ARSB: variants seen among roughly 807,000 people sequenced by gnomAD.
ARSB encodes the protein arylsulfatase B, also known as N-acetylgalactosamine-4-sulfatase.
Under a neutral mutation model 50.9 loss-of-function variants are expected in ARSB, and 41 were observed. That is an observed-to-expected ratio of 0.81 (90% CI 0.63 to 1.04). The LOEUF is 1.04. ARSB is among the 50% of genes least tolerant of loss of function. The pLI is 0.00. For missense variants in ARSB, 672 were observed against 693.3 expected (o/e 0.97, Z 0.35); for synonymous variants, 269 against 284.8 (o/e 0.94, Z 0.56).
At chr5:78,956,862 G>C (rs1283560972) in intron 3 of ARSB, among the ~76,000 whole-genome samples, 1 of 152,146 alleles carries the variant, frequency 6.6e-6, no homozygotes, top group Non-Finnish European at 1.5e-5. Flanking sequence ...TGTACCAATA[G>C]AGGCTTTAGC....
intron 4 of ARSB, among the ~76,000 whole-genome samples, chr5:78,921,226 C>T (rs1314013153): frequency 1.3e-5 from 2 of 152,182 alleles, no homozygotes; most frequent in African/African-American, 4.8e-5. Flanking sequence ...AAGTCTCACT[C>T]TCCAATGACC....
At chr5:78,901,751 G>T (rs1748817894) in intron 4 of ARSB, among the ~76,000 whole-genome samples, 1 of 152,150 alleles carries the variant, frequency 6.6e-6, no homozygotes, top group Non-Finnish European at 1.5e-5. Flanking sequence ...CACAAAAATA[G>T]ATGGTCAATA....
intron 4 of ARSB, 88 bp downstream of exon 4, chr5:78,955,207 C>T (rs1751665738): frequency 7.4e-7 from 1 of 1,352,908 alleles, no homozygotes; most frequent in Non-Finnish European, 1.0e-6. Context: ...TAAGGCAATG[C>T]TAACCGCTCC....
intron 5 of ARSB, among the ~76,000 whole-genome samples, chr5:78,871,234 T>C (rs1295631659): frequency 6.6e-6 from 1 of 151,898 alleles, no homozygotes; most frequent in Non-Finnish European, 1.5e-5. Context: ...AAAATGGCCA[T>C]ACTGCCCAAG....
intron 4 of ARSB, among the ~76,000 whole-genome samples, chr5:78,935,524 G>A (rs1750537198): frequency 6.6e-6 from 1 of 152,188 alleles, no homozygotes; most frequent in African/African-American, 2.4e-5. Flanking sequence ...GAGTGAACAA[G>A]TGAATGAATG....
chr5:78,897,741 C>T (rs1164578350), intron 4 of ARSB, among the ~76,000 whole-genome samples: 1 of 151,676 alleles, frequency 6.6e-6, no homozygotes, highest in Non-Finnish European at 1.5e-5. Context: ...AATATGTGGA[C>T]TCTCATAATA....
At position 78,780,187 on chromosome 5, in the gene ARSB, T is replaced by A; in HGVS notation, c.*210A>T. The A allele has an allele frequency of 6.3e-6, 4 of 639,640 alleles. No individual in the cohort carries two copies. The highest frequency in any genetic ancestry group is 1.9e-5 in the South Asian group (1 of 53,158). 39.6% of individuals were successfully genotyped at this position (639,640 alleles called of 1,614,324 possible). A position where few individuals can be genotyped will look rare whatever the true frequency, so the allele number is the denominator to read the frequency against. On this transcript the variant is annotated 3_prime_UTR_variant, in exon 8 of 8. Transcript: ENST00000264914. ...GGATAAACCCAGCCACCCCCACCTC[T>A]AGACACATGCTCCAGCCAACAGCAG...
intron 6 of ARSB, among the ~76,000 whole-genome samples, chr5:78,786,110 C>T (rs1453191548): frequency 6.6e-6 from 1 of 152,038 alleles, no homozygotes; most frequent in Non-Finnish European, 1.5e-5. Context: ...ACATTTTTAT[C>T]ACCCCAGAAA....
intron 5 of ARSB, among the ~76,000 whole-genome samples, chr5:78,842,888 T>A (rs1396477214): frequency 6.6e-6 from 1 of 152,078 alleles, no homozygotes; most frequent in East Asian, 1.9e-4. Context: ...TTATGCATGT[T>A]CATCTATCCT....
intron 5 of ARSB, among the ~76,000 whole-genome samples, chr5:78,867,031 C>T: frequency 6.6e-6 from 1 of 152,212 alleles, no homozygotes; most frequent in Non-Finnish European, 1.5e-5. Context: ...AGGGAGTTCC[C>T]TTTCCGAGTC....
At chr5:78,973,019 G>A (rs917052975) in intron 1 of ARSB, among the ~76,000 whole-genome samples, 1 of 152,190 alleles carries the variant, frequency 6.6e-6, no homozygotes, top group African/African-American at 2.4e-5. Context: ...CTGAAGGAAG[G>A]AAGCTGTAAT....
intron 5 of ARSB, among the ~76,000 whole-genome samples, chr5:78,879,338 T>C (rs992483703): frequency 6.6e-6 from 1 of 152,206 alleles, no homozygotes; most frequent in Non-Finnish European, 1.5e-5. Context: ...AGAGAAGTCA[T>C]GTCCCCTAGA....
At chr5:78,904,091 T>C (rs1748923940) in intron 4 of ARSB, among the ~76,000 whole-genome samples, 1 of 152,028 alleles carries the variant, frequency 6.6e-6, no homozygotes, top group African/African-American at 2.4e-5. Flanking sequence ...AAAAAAATCA[T>C]AGTGTGTGTA....
At chr5:78,823,298 G>A (rs1348327330) in intron 6 of ARSB, among the ~76,000 whole-genome samples, 1 of 152,172 alleles carries the variant, frequency 6.6e-6, no homozygotes, top group Non-Finnish European at 1.5e-5. Context: ...GTGTCCCAGT[G>A]ACTACTTTGG....
chr5:78,966,917 G>A (rs1056856200), intron 2 of ARSB, among the ~76,000 whole-genome samples: 3 of 108,592 alleles, frequency 2.8e-5, no homozygotes, highest in African/African-American at 3.7e-5. Flanking sequence ...GAATACATCC[G>A]GGTCCATTTA....
At chr5:78,836,029 T>C (rs41380947) in intron 6 of ARSB, among the ~76,000 whole-genome samples, 2,504 of 152,348 alleles carry the variant, frequency 0.016, 82 homozygotes, top group South Asian at 0.11. Flanking sequence ...GCTCTATGAA[T>C]ATGATATCCA....
At chr5:78,804,548 G>C (rs1743499215) in intron 6 of ARSB, among the ~76,000 whole-genome samples, 1 of 152,212 alleles carries the variant, frequency 6.6e-6, no homozygotes, top group Non-Finnish European at 1.5e-5. Flanking sequence ...AAAAGGGAGA[G>C]AGCTCAGAGG....
intron 7 of ARSB, among the ~76,000 whole-genome samples, chr5:78,781,321 C>CT (rs1275224885): frequency 1.6e-5 from 2 of 124,616 alleles, no homozygotes; most frequent in Admixed American, 8.6e-5. Flanking sequence ...CTCTCTCTCT[C>CT]TCTTTTTTTT....
At chr5:78,984,843 GC>G in intron 1 of ARSB, 93 bp downstream of exon 1, 15 of 1,063,820 alleles carry the variant, frequency 1.4e-5, no homozygotes, top group Non-Finnish European at 1.8e-5. Flanking sequence ...AGCCCCGCCT[GC>G]CAGCGCCCGC....
Sources: gnomAD v4.1 joint callset for allele counts (sites outside exome capture counted in the v4.1 genomes callset) on GRCh38, gnomAD v4.1.1 for gene constraint, MANE v1.5 for transcripts, NCBI Gene and HGNC (gene_info 2026-07-23, HGNC 2026-07-21) for gene names.